The following TTC28 variants were observed in gnomAD, a reference collection of about 807,000 sequenced individuals.
TTC28 encodes tetratricopeptide repeat protein 28.
TTC28 carries 61 observed loss-of-function variants against 198.0 expected under a neutral mutation model. The observed-to-expected ratio is 0.31, with a 90% CI of 0.25 to 0.38. The LOEUF is 0.38. Ranked by LOEUF, TTC28 falls within the 10% of genes least tolerant of loss-of-function variation. The pLI is 1.00. For synonymous variants in TTC28, 1,171 were observed against 1,297.8 expected, an observed-to-expected ratio of 0.90 and a Z score of 2.10; for missense variants, 2,678 against 3,164.0, an observed-to-expected ratio of 0.85 and a Z score of 3.69.
chr22:28,074,283 A>G (rs1469163414), intron 12 of TTC28, among the ~76,000 whole-genome samples: 1 of 152,216 alleles, frequency 6.6e-6, no homozygotes, highest in Non-Finnish European at 1.5e-5. Flanking sequence ...CAAGATATAC[A>G]AAGTCAGGGA....
intron 12 of TTC28, among the ~76,000 whole-genome samples, chr22:28,044,859 G>T (rs1040797276): frequency 2.0e-5 from 3 of 152,058 alleles, no homozygotes; most frequent in African/African-American, 7.2e-5. Context: ...TAGAAATACA[G>T]GTTTTCCCCT....
Position 27,982,755 on chromosome 22 carries a change from C to T in TTC28, c.6912G>A (p.Arg2304=), listed in dbSNP as rs766497924. The change falls in exon 23 of 23, where the codon AGG becomes AGA. Residue 2304 remains arginine, a synonymous_variant. Transcript: ENST00000397906. This position sits in a 1 kb window ranked among gnomAD's most constrained non-coding sequence, Gnocchi z 5.2. ...PYSAHISKSP[R]NMSPSSGHQS... Reference sequence around the variant, plus strand: ...GGTGGCCGGAGCTTGGGGACATGTTCCTTGGTGATTTGGAAATGTGAGCGC... The same window carrying T: ...GGTGGCCGGAGCTTGGGGACATGTTTCTTGGTGATTTGGAAATGTGAGCGC... 23 of 1,550,326 alleles carry T rather than the reference C, an allele frequency of 1.5e-5. 1 individual carries two copies. The South Asian group carries it at 2.6e-4, about 18-fold the overall frequency.
intron 2 of TTC28, among the ~76,000 whole-genome samples, chr22:28,569,173 A>AATAC (rs1235516354): frequency 6.7e-6 from 1 of 150,224 alleles, no homozygotes; most frequent in East Asian, 1.9e-4. Context: ...TAAATAAATA[A>AATAC]ATAAATAAAT....
intron 1 of TTC28, among the ~76,000 whole-genome samples, chr22:28,634,731 T>C (rs909485667): frequency 6.6e-6 from 1 of 151,564 alleles, no homozygotes; most frequent in Non-Finnish European, 1.5e-5. Context: ...ATTACAGGTG[T>C]GCACCACCAC....
chr22:28,185,814 G>C (rs1239086526), intron 5 of TTC28, among the ~76,000 whole-genome samples: 2 of 152,054 alleles, frequency 1.3e-5, no homozygotes, highest in Non-Finnish European at 2.9e-5. Flanking sequence ...CCCTCATTTT[G>C]CAGATGAGGA....
chr22:27,982,466 G>A lies in TTC28; in HGVS notation c.7201C>T (p.His2401Tyr). ...VLSLLNLSPR[H>Y]NKKEEGVDKL... ...TCCACTCCCTCCTCCTTCTTATTGT[G>A]CCGTGGTGACAAATTCAACAGACTG... The change falls in exon 23 of 23, where the codon CAC becomes TAC. Residue 2401 changes from histidine to tyrosine, a missense_variant. Around this residue, in one of 8 missense-constraint regions of TTC28, gnomAD observed 622 missense variants for 656.0 expected, o/e 0.95. Transcript: ENST00000397906. The surrounding 1 kb of genome is among the most constrained non-coding windows in gnomAD (Gnocchi z 5.2). 2 of 1,551,572 alleles carry A rather than the reference G, an allele frequency of 1.3e-6. No individual in the cohort carries two copies. The highest frequency in any genetic ancestry group is 8.7e-7 in the Non-Finnish European group (1 of 1,146,988).
intron 1 of TTC28, among the ~76,000 whole-genome samples, chr22:28,640,785 C>A (rs1263106581): frequency 2.0e-5 from 3 of 151,992 alleles, no homozygotes; most frequent in Non-Finnish European, 4.4e-5. Context: ...TAAAATGGTA[C>A]AACCACTGTG....
At chr22:28,307,922 CAT>C (rs1475894657) in intron 2 of TTC28, among the ~76,000 whole-genome samples, 4 of 151,990 alleles carry the variant, frequency 2.6e-5, no homozygotes, top group African/African-American at 4.8e-5. Context: ...ATTACAAATG[CAT>C]ATACACAGAG....
chr22:28,023,862 A>G (rs894570764), intron 13 of TTC28, among the ~76,000 whole-genome samples: 1 of 151,734 alleles, frequency 6.6e-6, no homozygotes, highest in East Asian at 1.9e-4. Flanking sequence ...AACTAACTTA[A>G]CCTCTCTAAG....
In TTC28 at chr22:27,996,199, G is replaced by A; in HGVS notation, c.5180C>T (p.Ala1727Val). ...CGGGTGCTGCAGGATCTCTGTGAGG[G>A]CCTGGCCGATGAGTGATGAGGGGCT... ...LNSPSSLIGQ[A>V]LTEILQHPER... Residue 1727 changes from alanine (A) to valine (V), a missense_variant, in exon 17 of 23, where the codon GCC (alanine) becomes GTC (valine). Coordinates refer to ENST00000397906, the MANE Select transcript of TTC28 (RefSeq NM_001145418.2). 6.4e-7 allele frequency: 1 copy of A among 1,551,238 alleles called. No individual in the cohort carries two copies. The highest frequency in any genetic ancestry group is 8.7e-7 in the Non-Finnish European group (1 of 1,147,006).
chr22:28,099,604 CA>C (rs1569138139), intron 9 of TTC28, among the ~76,000 whole-genome samples: 1 of 152,160 alleles, frequency 6.6e-6, no homozygotes, highest in African/African-American at 2.4e-5. Flanking sequence ...CAGTAAATTA[CA>C]GTTTATATAA....
intron 2 of TTC28, among the ~76,000 whole-genome samples, chr22:28,309,777 T>C (rs1277812510): frequency 6.6e-6 from 1 of 152,118 alleles, no homozygotes; most frequent in African/African-American, 2.4e-5. Context: ...ATACACCACA[T>C]ACTGGTCATT....
intron 2 of TTC28, among the ~76,000 whole-genome samples, chr22:28,601,444 G>C (rs943186401): frequency 3.9e-5 from 6 of 152,056 alleles, no homozygotes; most frequent in Admixed American, 3.9e-4. Flanking sequence ...TGAACATATA[G>C]ACTTCTTTTT....
At chr22:28,225,796 T>C (rs1052227786) in intron 5 of TTC28, among the ~76,000 whole-genome samples, 3 of 152,204 alleles carry the variant, frequency 2.0e-5, no homozygotes, top group Non-Finnish European at 4.4e-5. Flanking sequence ...CCTACCTCCT[T>C]ACCCCTATTA....
chr22:28,074,080 T>A (rs188897387), intron 12 of TTC28, among the ~76,000 whole-genome samples: 2 of 152,266 alleles, frequency 1.3e-5, no homozygotes, highest in African/African-American at 2.4e-5. Context: ...ACAAGCAAGA[T>A]GAAAAACAAA....
chr22:28,358,826 G>C (rs1286125857), intron 2 of TTC28, among the ~76,000 whole-genome samples: 1 of 152,116 alleles, frequency 6.6e-6, no homozygotes, highest in Non-Finnish European at 1.5e-5. Context: ...TATGATTCCT[G>C]ACCCTCCTCA....
chr22:28,392,110 G>A (rs867105898), intron 2 of TTC28, among the ~76,000 whole-genome samples: 3 of 152,226 alleles, frequency 2.0e-5, no homozygotes, highest in African/African-American at 4.8e-5. Context: ...TGTGTGAGGT[G>A]TCAGTCTGCC....
chr22:28,556,424 C>A (rs1296153124), intron 2 of TTC28, among the ~76,000 whole-genome samples: 1 of 152,126 alleles, frequency 6.6e-6, no homozygotes, highest in Non-Finnish European at 1.5e-5. Context: ...AACACTAGGC[C>A]AACTGATACT....
Position 28,133,840 on chromosome 22 carries a change from T to C in TTC28, c.1442-25437A>G, listed in dbSNP as rs895181768. 8.5e-5 allele frequency among the ~76,000 whole-genome samples: 13 copies of C among 152,346 alleles called. 1 individual carries two copies. The highest frequency in any genetic ancestry group is 3.1e-4 in the African/African-American group (13 of 41,586). On this transcript the variant is annotated intron_variant, in intron 6 of 22. Transcript: ENST00000397906. Reference sequence around the variant, plus strand: ...ACCTCTGCAGACTTAAATGTCCCTGTCTGACAGCTTTGAAGAGAGTAGTGG... The same window carrying C: ...ACCTCTGCAGACTTAAATGTCCCTGCCTGACAGCTTTGAAGAGAGTAGTGG...
Sources: gnomAD v4.1 joint callset for allele counts (sites outside exome capture counted in the v4.1 genomes callset) on GRCh38, gnomAD v4.1.1 for gene constraint, gnomAD v4.1.1 regional missense constraint, Gnocchi (gnomAD v3.1) non-coding constraint, MANE v1.5 for transcripts, NCBI Gene and HGNC (gene_info 2026-07-23, HGNC 2026-07-21) for gene names.